ZNF600: variants seen among roughly 807,000 people sequenced by gnomAD.
The protein encoded by ZNF600 is zinc finger protein KR-ZNF1.
In ZNF600, 4 loss-of-function variants were observed where a neutral mutation model predicts 7.3. The ratio of observed to expected loss-of-function variants is 0.55; its 90% CI spans 0.27 to 1.25. ZNF600 has a LOEUF of 1.25. Among genes scored for constraint, ZNF600 ranks in the 50% most tolerant of loss-of-function variants. The pLI, the probability that ZNF600 is intolerant of heterozygous loss-of-function variation, is 0.12. For synonymous variants in ZNF600, 290 were observed against 308.9 expected (o/e 0.94, Z 0.64); for missense variants, 911 against 922.1 (o/e 0.99, Z 0.16).
intron 3 of ZNF600, among the ~76,000 whole-genome samples, chr19:52,774,288 G>A (rs1380498497): frequency 4.6e-5 from 7 of 151,782 alleles, no homozygotes; most frequent in Admixed American, 1.3e-4. Flanking sequence ...AATTAGCTGG[G>A]TGTGGTGGCA....
the ZNF600 span, among the ~76,000 whole-genome samples, chr19:52,823,011 A>C: frequency 2.0e-5 from 3 of 152,112 alleles, no homozygotes; most frequent in Non-Finnish European, 4.4e-5. Flanking sequence ...CTTTACCAGA[A>C]TCACATTTTC....
At chr19:52,810,274 C>T in the ZNF600 span, 5 of 1,423,170 alleles carry the variant, frequency 3.5e-6, no homozygotes, top group Admixed American at 1.7e-5. Context: ...CCAGTGATCA[C>T]GTCCATTGAG....
chr19:52,804,309 T>C, the ZNF600 span, among the ~76,000 whole-genome samples: 3 of 152,200 alleles, frequency 2.0e-5, no homozygotes, highest in Admixed American at 2.0e-4. Context: ...TTTTTGTTTG[T>C]TTTTGAGATG....
intron 2 of ZNF600, among the ~76,000 whole-genome samples, chr19:52,776,408 ACTT>A (rs1030612564): frequency 3.3e-5 from 5 of 150,438 alleles, no homozygotes; most frequent in Non-Finnish European, 7.4e-5. Context: ...CCTTCCCAAT[ACTT>A]CTTACTTTTT....
chr19:52,794,201 A>G, the ZNF600 span, among the ~76,000 whole-genome samples: 651 of 152,264 alleles, frequency 4.3e-3, 4 homozygotes, highest in African/African-American at 0.013. Flanking sequence ...GACAAGAATA[A>G]GTTCAAGATG....
the ZNF600 span, chr19:52,801,778 CA>C: frequency 3.0e-6 from 4 of 1,338,112 alleles, no homozygotes; most frequent in African/African-American, 4.4e-5. Context: ...AAATATGACA[CA>C]AAAAACAATA....
upstream of ZNF600, among the ~76,000 whole-genome samples, chr19:52,790,780 G>C (rs548807059): frequency 1.9e-3 from 280 of 147,400 alleles, 1 homozygote; most frequent in Non-Finnish European, 9.3e-4. Context: ...TCGACTTCCC[G>C]GATTCAAGTG....
At chr19:52,776,109 G>T (rs2062673299) in intron 2 of ZNF600, among the ~76,000 whole-genome samples, 1 of 134,446 alleles carries the variant, frequency 7.4e-6, no homozygotes, top group Non-Finnish European at 1.6e-5. Flanking sequence ...CATGTCTTAA[G>T]CCATAAAATA....
chr19:52,811,578 G>A, the ZNF600 span, among the ~76,000 whole-genome samples: 1 of 148,392 alleles, frequency 6.7e-6, no homozygotes, highest in African/African-American at 2.5e-5. Context: ...CCTCTGCTGG[G>A]CCGCAACCCT....
upstream of ZNF600, among the ~76,000 whole-genome samples, chr19:52,789,644 T>A (rs549495797): frequency 3.9e-5 from 6 of 152,202 alleles, no homozygotes; most frequent in South Asian, 1.2e-3. Flanking sequence ...GCCAGCAATT[T>A]GGGAGGCCAA....
chr19:52,820,836 TGCC>T, the ZNF600 span, among the ~76,000 whole-genome samples: 1 of 152,260 alleles, frequency 6.6e-6, no homozygotes, highest in East Asian at 1.9e-4. Context: ...TCCTCTACTT[TGCC>T]ATCTGTTATG....
At chr19:52,774,547 C>G in intron 3 of ZNF600, 28 bp downstream of exon 5, 1 of 984,826 alleles carries the variant, frequency 1.0e-6, no homozygotes, top group Non-Finnish European at 1.2e-6. Context: ...GCAGACTCCT[C>G]ATGTCTGGGG....
chr19:52,804,596 C>G, the ZNF600 span, among the ~76,000 whole-genome samples: 1 of 152,180 alleles, frequency 6.6e-6, no homozygotes, highest in Non-Finnish European at 1.5e-5. Context: ...GTCTCAAACT[C>G]GTGACCTCAA....
At chr19:52,783,647 C>T (rs901431107) in intron 1 of ZNF600, among the ~76,000 whole-genome samples, 4 of 152,186 alleles carry the variant, frequency 2.6e-5, no homozygotes, top group African/African-American at 9.7e-5. Context: ...AAGCGTGAGC[C>T]ACTGCACCTG....
the ZNF600 span, among the ~76,000 whole-genome samples, chr19:52,828,782 A>AGATTC: frequency 6.6e-6 from 1 of 152,226 alleles, no homozygotes; most frequent in East Asian, 1.9e-4. Context: ...ATGTTCCTGC[A>AGATTC]GATTCGGCCT....
intron 1 of ZNF600, among the ~76,000 whole-genome samples, 157 bp from the exon 2 acceptor site, chr19:52,781,621 C>G (rs907851562): frequency 2.6e-5 from 4 of 152,096 alleles, no homozygotes; most frequent in Non-Finnish European, 4.4e-5. Flanking sequence ...AAAAAATTAG[C>G]CAGGCATCAT....
At chr19:52,812,383 A>T in the ZNF600 span, among the ~76,000 whole-genome samples, 2 of 139,244 alleles carry the variant, frequency 1.4e-5, no homozygotes, top group African/African-American at 6.2e-5. Context: ...GTGTGGATAG[A>T]AGTAGACATG....
intron 1 of ZNF600, among the ~76,000 whole-genome samples, chr19:52,785,811 C>T (rs1462704944): frequency 1.3e-5 from 2 of 152,144 alleles, no homozygotes; most frequent in Admixed American, 1.3e-4. Flanking sequence ...CTCCCTCACT[C>T]TGGTGAGCCT....
chr19:52,767,189 T>C (rs1269920724), exon 4 of ZNF600: 2 of 1,614,160 alleles, frequency 1.2e-6, no homozygotes, highest in East Asian at 2.2e-5. Context: ...CACATTTATA[T>C]TGTTTGTCTC....
Sources: gnomAD v4.1 joint callset for allele counts (sites outside exome capture counted in the v4.1 genomes callset) on GRCh38, gnomAD v4.1.1 for gene constraint, MANE v1.5 for transcripts, NCBI Gene and HGNC (gene_info 2026-07-23, HGNC 2026-07-21) for gene names.